FSTL4: variants seen among roughly 807,000 people sequenced by gnomAD.
FSTL4 encodes the protein follistatin-related protein 4.
In FSTL4, 28 loss-of-function variants were observed where a neutral mutation model predicts 78.2. The ratio of observed to expected loss-of-function variants is 0.36; its 90% CI spans 0.27 to 0.49. The LOEUF is 0.49. Among genes scored for constraint, FSTL4 ranks in the 20% least tolerant of loss-of-function variants. The pLI is 0.98. For synonymous variants in FSTL4, 422 were observed against 440.5 expected (o/e 0.96, Z 0.53); for missense variants, 922 against 1,084.9 (o/e 0.85, Z 2.11).
chr5:133,506,334 C>T (rs761475726), intron 3 of FSTL4, among the ~76,000 whole-genome samples: 40 of 152,200 alleles, frequency 2.6e-4, no homozygotes, highest in Admixed American at 3.3e-4. Context: ...AGGATAGCAG[C>T]GAATGCACAG....
intron 3 of FSTL4, among the ~76,000 whole-genome samples, chr5:133,446,295 C>T (rs540956006): frequency 3.9e-5 from 6 of 152,294 alleles, no homozygotes; most frequent in Admixed American, 1.3e-4. Context: ...CAAAAATTAG[C>T]CGGGCGTGCT....
At chr5:133,753,886 C>T in the FSTL4 span, among the ~76,000 whole-genome samples, 2 of 152,132 alleles carry the variant, frequency 1.3e-5, no homozygotes, top group Non-Finnish European at 2.9e-5. Context: ...GCAGATAAGC[C>T]TAGGTTCAAG....
At chr5:133,229,397 C>T (rs1326151917) in intron 8 of FSTL4, among the ~76,000 whole-genome samples, 1 of 151,936 alleles carries the variant, frequency 6.6e-6, no homozygotes, top group Non-Finnish European at 1.5e-5. Context: ...GTGGCATGCG[C>T]CTGTAATCCC....
chr5:133,223,402 G>A (rs1384012035), intron 11 of FSTL4, among the ~76,000 whole-genome samples: 1 of 152,200 alleles, frequency 6.6e-6, no homozygotes, highest in African/African-American at 2.4e-5. Context: ...GAAATGTCTT[G>A]GTTTTCAAAG....
chr5:133,494,537 T>C (rs974034174), intron 3 of FSTL4, among the ~76,000 whole-genome samples: 1 of 152,194 alleles, frequency 6.6e-6, no homozygotes, highest in African/African-American at 2.4e-5. Flanking sequence ...CATTTTTGGA[T>C]ATCCTGCCAC....
At chr5:133,820,763 A>G in the FSTL4 span, among the ~76,000 whole-genome samples, 7 of 152,212 alleles carry the variant, frequency 4.6e-5, 1 homozygote, top group African/African-American at 7.2e-5. Context: ...GCAGAAACCA[A>G]CTGTTTGTGG....
intron 4 of FSTL4, among the ~76,000 whole-genome samples, chr5:133,399,324 G>A (rs1199504523): frequency 6.6e-6 from 1 of 152,108 alleles, no homozygotes; most frequent in Admixed American, 6.5e-5. Flanking sequence ...GGCTCATTTT[G>A]GCCTCATTTC....
At chr5:133,746,393 T>A in the FSTL4 span, among the ~76,000 whole-genome samples, 1 of 150,628 alleles carries the variant, frequency 6.6e-6, no homozygotes, top group African/African-American at 2.5e-5. Context: ...GACAGCTATT[T>A]CTACATTTCT....
chr5:133,780,821 AGGAGATGTGGGCCAG>A, the FSTL4 span, among the ~76,000 whole-genome samples: 1 of 152,146 alleles, frequency 6.6e-6, no homozygotes, highest in East Asian at 1.9e-4. Flanking sequence ...CACGGCTGGT[AGGAGATGTGGGCCAG>A]GGCGCCAAGC....
chr5:133,701,468 AACACAC>A, the FSTL4 span, among the ~76,000 whole-genome samples: 1,763 of 129,076 alleles, frequency 0.014, 47 homozygotes, highest in African/African-American at 0.047. Flanking sequence ...AAGACACAGA[AACACAC>A]ACACACACAC....
chr5:133,630,596 TC>T, the FSTL4 span, among the ~76,000 whole-genome samples: 40 of 152,134 alleles, frequency 2.6e-4, 1 homozygote, highest in African/African-American at 9.4e-4. Flanking sequence ...TCAATGCTAT[TC>T]CCATCAAGCT....
intron 7 of FSTL4, among the ~76,000 whole-genome samples, chr5:133,241,542 C>T (rs966755682): frequency 6.6e-6 from 1 of 152,216 alleles, no homozygotes; most frequent in Non-Finnish European, 1.5e-5. Context: ...CAGGCAAATA[C>T]CTCTTGACAT....
chr5:133,384,329 G>A (rs925650805), intron 4 of FSTL4, among the ~76,000 whole-genome samples: 10 of 152,236 alleles, frequency 6.6e-5, no homozygotes, highest in African/African-American at 1.9e-4. Flanking sequence ...CTTTCCAGAC[G>A]GGGTGGTGAC....
the FSTL4 span, among the ~76,000 whole-genome samples, chr5:133,657,752 G>C: frequency 6.9e-6 from 1 of 145,256 alleles, no homozygotes; most frequent in African/African-American, 2.6e-5. Context: ...TGTAAATCTA[G>C]CTTACTGTTT....
At chr5:133,644,153 C>T in the FSTL4 span, among the ~76,000 whole-genome samples, 4 of 152,144 alleles carry the variant, frequency 2.6e-5, no homozygotes, top group Non-Finnish European at 5.9e-5. Context: ...AGAAGGTTCA[C>T]TGGACACACA....
rs1750221705 is a variant in FSTL4 at position 133,198,839 on chromosome 5, C to T, written c.*256G>A. On this transcript the variant is annotated 3_prime_UTR_variant, in exon 16 of 16. Transcript: ENST00000265342. ...AGGTCACTCGGTGTGCAGCTTGGCA[C>T]AGAAATGATCCCTTTACACAGCAGC... 2.8e-6 allele frequency: 1 copy of T among 358,854 alleles called. No individual in the cohort carries two copies. The highest frequency in any genetic ancestry group is 5.0e-6 in the Non-Finnish European group (1 of 198,474). 22.2% of individuals were successfully genotyped at this position (358,854 alleles called of 1,614,324 possible).
In FSTL4 at chr5:133,409,329, G is replaced by A. The variant is rs549671792; in HGVS notation, c.161-8343C>T. Among the ~76,000 whole-genome samples, 8 of 152,324 alleles carry A rather than the reference G, an allele frequency of 5.3e-5. No individual in the cohort carries two copies. The East Asian group carries it at 9.6e-4, about 18-fold the overall frequency. Reference sequence around the variant, plus strand: ...CCCCTGACCTGGGCCCAATGCCAGCGTATCTTGCAAACCTCTCAGGCTCAC... The same window carrying A: ...CCCCTGACCTGGGCCCAATGCCAGCATATCTTGCAAACCTCTCAGGCTCAC... On this transcript the variant is annotated intron_variant, in intron 3 of 15. Coordinates refer to ENST00000265342, the MANE Select transcript of FSTL4 (RefSeq NM_015082.2).
chr5:133,233,296 G>C, intron 8 of FSTL4, 121 bp downstream of exon 8: 1 of 1,076,058 alleles, frequency 9.3e-7, no homozygotes, highest in Non-Finnish European at 1.4e-6. Flanking sequence ...TAAGAGAGAT[G>C]ATATATTTTG....
the FSTL4 span, among the ~76,000 whole-genome samples, chr5:133,786,888 G>A: frequency 6.6e-6 from 1 of 152,158 alleles, no homozygotes; most frequent in African/African-American, 2.4e-5. Flanking sequence ...TCATGAGGTG[G>A]GGACTATCAC....
Sources: gnomAD v4.1 joint callset for allele counts (sites outside exome capture counted in the v4.1 genomes callset) on GRCh38, gnomAD v4.1.1 for gene constraint, MANE v1.5 for transcripts, NCBI Gene and HGNC (gene_info 2026-07-23, HGNC 2026-07-21) for gene names.